The following FMNL2 variants were observed in gnomAD, a reference collection of about 807,000 sequenced individuals.
FMNL2 encodes the protein formin like 2.
A neutral mutation model predicts 130.2 loss-of-function variants in FMNL2; 51 were observed. The ratio of observed to expected loss-of-function variants is 0.39; its 90% CI spans 0.31 to 0.49. The LOEUF is 0.49. Ranked by LOEUF, FMNL2 falls within the 20% of genes least tolerant of loss-of-function variation. The pLI is 0.85. For synonymous variants in FMNL2, 465 were observed against 467.1 expected, an observed-to-expected ratio of 1.00 and a Z score of 0.06; for missense variants, 977 against 1,316.2, an observed-to-expected ratio of 0.74 and a Z score of 3.99.
intron 7 of FMNL2, chr2:152,578,587 A>AT (rs577799870): frequency 0.016 from 2,277 of 141,834 alleles, 29 homozygotes; most frequent in East Asian, 0.036. Flanking sequence ...ATCATTGCCG[A>AT]TTTTTTTTTT....
Position 152,617,207 on chromosome 2 carries a change from G to T in FMNL2, c.1314+15G>T. 6.2e-7 allele frequency: 1 copy of T among 1,612,308 alleles called. No homozygotes were observed. Among genetic ancestry groups the T allele is most frequent in the South Asian group, 1.1e-5 (1 of 90,962 alleles). On this transcript the variant is annotated intron_variant, in intron 13 of 25. Transcript: ENST00000288670. ...ATGTCGTTCGGGTAAGTGTAATGAT[G>T]ACAACTGCCCAGATGGGCACGGTAG...
At chr2:152,460,025 A>T (rs1480614949) in intron 1 of FMNL2, among the ~76,000 whole-genome samples, 1 of 152,234 alleles carries the variant, frequency 6.6e-6, no homozygotes, top group Non-Finnish European at 1.5e-5. Flanking sequence ...AAATCATGCT[A>T]GGCACTTTAA....
chr2:152,344,562 CTTTA>C (rs1560282526), intron 1 of FMNL2, among the ~76,000 whole-genome samples: 2 of 152,126 alleles, frequency 1.3e-5, no homozygotes, highest in African/African-American at 2.4e-5. Flanking sequence ...GGTAGAGAGA[CTTTA>C]TTTAACTATT....
chr2:152,351,090 G>A (rs1682455118), intron 1 of FMNL2, among the ~76,000 whole-genome samples: 1 of 152,138 alleles, frequency 6.6e-6, no homozygotes, highest in Non-Finnish European at 1.5e-5. Context: ...TAAAAATAAA[G>A]TGAAAGTTGT....
intron 7 of FMNL2, among the ~76,000 whole-genome samples, chr2:152,576,561 T>C (rs1047793507): frequency 2.0e-5 from 3 of 152,152 alleles, no homozygotes; most frequent in Non-Finnish European, 4.4e-5. Flanking sequence ...TTGCCTAAAA[T>C]CACATAGCTA....
intron 23 of FMNL2, among the ~76,000 whole-genome samples, chr2:152,638,436 G>A (rs1682803512): frequency 6.6e-6 from 1 of 152,192 alleles, no homozygotes; most frequent in African/African-American, 2.4e-5. Context: ...AGGGGAGGAG[G>A]GATGTGGCAG....
intron 16 of FMNL2, 148 bp from the exon 17 acceptor site, chr2:152,626,377 C>T: frequency 4.4e-6 from 3 of 681,482 alleles, no homozygotes; most frequent in Non-Finnish European, 7.4e-6. Context: ...TGTACTATAA[C>T]AAAAACAAGA....
chr2:152,442,440 T>C (rs1688102562), intron 1 of FMNL2, among the ~76,000 whole-genome samples: 1 of 151,854 alleles, frequency 6.6e-6, no homozygotes, highest in East Asian at 1.9e-4. Context: ...TTATGAGAGA[T>C]GTTTCACCAT....
At chr2:152,546,997 G>A (rs1482072270) in intron 3 of FMNL2, among the ~76,000 whole-genome samples, 3 of 149,796 alleles carry the variant, frequency 2.0e-5, no homozygotes, top group Non-Finnish European at 4.4e-5. Context: ...CCCGGATGGA[G>A]TGCAGTGGCC....
At chr2:152,389,954 C>A in intron 1 of FMNL2, 1 of 1,278,262 alleles carries the variant, frequency 7.8e-7, no homozygotes, top group Non-Finnish European at 1.1e-6. Flanking sequence ...AAGTCAGAGA[C>A]CTCGGGGCCC....
chr2:152,649,060 A>C lies in FMNL2; in HGVS notation c.*1155A>C, dbSNP rs193181602. 1.4e-4 allele frequency: 22 copies of C among 152,736 alleles called. 1 individual carries two copies. Among genetic ancestry groups the C allele is most frequent in the Admixed American group, 1.4e-3 (21 of 15,298 alleles). 9.5% of individuals were successfully genotyped at this position (152,736 alleles called of 1,614,324 possible). On this transcript the variant is annotated 3_prime_UTR_variant, in exon 26 of 26. Transcript: ENST00000288670. The stretch of plus-strand genomic sequence containing the variant: ...TGAAGCTAAATTTGTACTTTTCATA[A>C]TATACATTCTGCTTCTGGCTTATCT...
chr2:152,534,913 A>T (rs1398023584), intron 2 of FMNL2, among the ~76,000 whole-genome samples: 1 of 152,198 alleles, frequency 6.6e-6, no homozygotes, highest in Non-Finnish European at 1.5e-5. Flanking sequence ...TTCCTCTTCA[A>T]CTAGCAAAAT....
intron 1 of FMNL2, among the ~76,000 whole-genome samples, chr2:152,466,310 G>A (rs1209209704): frequency 2.6e-5 from 4 of 152,178 alleles, no homozygotes; most frequent in Admixed American, 6.5e-5. Flanking sequence ...ACTCATTGGC[G>A]TTTTGTAAAC....
In FMNL2 at chr2:152,619,690, C is replaced by T. The variant is rs766334410; in HGVS notation, c.1809C>T (p.Pro603=). The T allele has an allele frequency of 3.7e-6, 6 of 1,612,436 alleles. No homozygotes were observed. In the East Asian group the frequency reaches 8.9e-5, roughly 24 times the overall value. The stretch of plus-strand genomic sequence containing the variant: ...CTCCGCTGCCTGGAACATCTTCACC[C>T]ACAGTGGTTTTCAACTCAGGATTAG... ...SAPPLPGTSS[P]TVVFNSGLAA... The change falls in exon 15 of 26, where the codon CCC becomes CCT. Residue 603 remains proline, a synonymous_variant. Coordinates refer to ENST00000288670, the MANE Select transcript of FMNL2 (RefSeq NM_052905.4).
At chr2:152,601,198 G>A (rs929272498) in intron 9 of FMNL2, among the ~76,000 whole-genome samples, 1 of 151,904 alleles carries the variant, frequency 6.6e-6, no homozygotes, top group Non-Finnish European at 1.5e-5. Context: ...CCAAGCCCCT[G>A]ACTTGGAATT....
intron 9 of FMNL2, among the ~76,000 whole-genome samples, chr2:152,588,464 A>G (rs1274264942): frequency 6.6e-6 from 1 of 152,016 alleles, no homozygotes; most frequent in Non-Finnish European, 1.5e-5. Context: ...TGCAGATATC[A>G]TCATACCTTT....
At chr2:152,526,713 C>T (rs988505275) in intron 2 of FMNL2, among the ~76,000 whole-genome samples, 7 of 151,998 alleles carry the variant, frequency 4.6e-5, no homozygotes, top group African/African-American at 1.7e-4. Flanking sequence ...TGTCTTTTGA[C>T]CCTTAGTTTT....
Position 152,614,959 on chromosome 2 carries a change from G to A in FMNL2, c.1171G>A (p.Ala391Thr). 1.2e-6 allele frequency: 2 copies of A among 1,613,392 alleles called. No homozygotes were observed. The highest frequency in any genetic ancestry group is 1.1e-5 in the South Asian group (1 of 90,976). ...LLEDAETKNA[A>T]LERVEELEEN... ...GGAAGATGCTGAAACTAAGAATGCT[G>A]CCTTGGAGAGGGTGGAAGAACTGGA... Residue 391 changes from alanine (A) to threonine (T), a missense_variant, in exon 12 of 26, where the codon GCC becomes ACC. Physicochemically the swap from Ala to Thr is moderately conservative, Grantham distance 58. Transcript: ENST00000288670.
In FMNL2 at chr2:152,628,432, C is replaced by T. The variant is rs770472566; in HGVS notation, c.2299C>T (p.Arg767Trp). 9 of 1,613,870 alleles carry T rather than the reference C, an allele frequency of 5.6e-6. No homozygotes were observed. The highest frequency in any genetic ancestry group is 1.6e-4 in the Middle Eastern group (1 of 6,084). The change falls in exon 18 of 26, where the codon CGG (arginine) becomes TGG (tryptophan). Residue 767 changes from arginine (R) to tryptophan (W), a missense_variant. By Grantham distance (101) the Arg-to-Trp change is moderately radical (BLOSUM62 -3). Coordinates refer to ENST00000288670, the MANE Select transcript of FMNL2 (RefSeq NM_052905.4). Reference protein sequence around the residue: ...KPLENLSDEDRFMMQFSKIER... With the variant: ...KPLENLSDEDWFMMQFSKIER... ...TCTGGAAAACTTGTCAGATGAAGATCGGTTCATGATGCAGTTTAGTAAAAT... is the reference window on the plus strand; with the variant it reads ...TCTGGAAAACTTGTCAGATGAAGATTGGTTCATGATGCAGTTTAGTAAAAT...
Sources: gnomAD v4.1 joint callset for allele counts (sites outside exome capture counted in the v4.1 genomes callset) on GRCh38, gnomAD v4.1.1 for gene constraint, MANE v1.5 for transcripts, NCBI Gene and HGNC (gene_info 2026-07-23, HGNC 2026-07-21) for gene names.